Variants in TRIM37 observed in about 807,000 individuals in gnomAD.
TRIM37 encodes the protein tripartite motif containing 37.
TRIM37 carries 80 observed loss-of-function variants against 129.8 expected under a neutral mutation model. The observed-to-expected ratio is 0.62, with a 90% CI of 0.51 to 0.74. TRIM37 has a LOEUF of 0.74. Ranked by LOEUF, TRIM37 falls within the 30% of genes least tolerant of loss-of-function variation. TRIM37 has a pLI of 0.00. For synonymous variants in TRIM37, 389 were observed against 387.1 expected, an observed-to-expected ratio of 1.00 and a Z score of -0.06; for missense variants, 1,054 against 1,176.5, an observed-to-expected ratio of 0.90 and a Z score of 1.52.
intron 4 of TRIM37, among the ~76,000 whole-genome samples, chr17:59,085,709 G>C (rs1222165811): frequency 1.3e-5 from 2 of 152,038 alleles, no homozygotes; most frequent in Admixed American, 6.6e-5. Flanking sequence ...ATAACCAAAA[G>C]AACTGAAAGC....
At chr17:59,087,423 A>T (rs1203448507) in intron 4 of TRIM37, among the ~76,000 whole-genome samples, 3 of 148,392 alleles carry the variant, frequency 2.0e-5, no homozygotes, top group Non-Finnish European at 3.0e-5. Context: ...CTGATTATGC[A>T]TTAATGTGTT....
intron 17 of TRIM37, among the ~76,000 whole-genome samples, chr17:59,034,973 T>TA (rs1470454743): frequency 3.3e-5 from 5 of 152,296 alleles, no homozygotes; most frequent in Non-Finnish European, 7.4e-5. Context: ...AGTATGCTCT[T>TA]ATGCTCTTCT....
chr17:59,039,111 T>C (rs553592068), intron 17 of TRIM37, among the ~76,000 whole-genome samples: 44 of 152,294 alleles, frequency 2.9e-4, no homozygotes, highest in African/African-American at 9.6e-4. Flanking sequence ...ATTTAAATTG[T>C]TCAGTCCCCA....
In TRIM37 at chr17:59,075,827, T is replaced by C. The variant is rs115518032; in HGVS notation, c.617-113A>G. 3,345 of 805,292 alleles carry C rather than the reference T, an allele frequency of 4.2e-3. 72 individuals carry two copies. The African/African-American group carries it at 0.051, about 12-fold the overall frequency. The allele number at this position is 805,292 out of a possible 1,614,324, so 49.9% of individuals were successfully genotyped here. Reference sequence around the variant, plus strand: ...GAAATACACTTCAAGTAAGCAAAAATTCTTCATTACAGCTACCCTAAAAAT... The same window carrying C: ...GAAATACACTTCAAGTAAGCAAAAACTCTTCATTACAGCTACCCTAAAAAT... On this transcript the variant is annotated intron_variant, in intron 7 of 23. Transcript: ENST00000262294.
intron 15 of TRIM37, among the ~76,000 whole-genome samples, chr17:59,048,725 T>C (rs2146114383): frequency 6.6e-6 from 1 of 152,246 alleles, no homozygotes; most frequent in African/African-American, 2.4e-5. Flanking sequence ...GCCTCCCAAG[T>C]AGCTGGGATT....
downstream of TRIM37, among the ~76,000 whole-genome samples, chr17:58,997,939 T>A (rs866836013): frequency 7.2e-5 from 11 of 152,312 alleles, no homozygotes; most frequent in African/African-American, 1.9e-4. Context: ...GTATATAAGG[T>A]GGCTTGGAAA....
At chr17:59,076,786 A>C (rs1298105038) in intron 7 of TRIM37, among the ~76,000 whole-genome samples, 2 of 151,920 alleles carry the variant, frequency 1.3e-5, no homozygotes, top group Non-Finnish European at 2.9e-5. Flanking sequence ...ACTTTTATTT[A>C]TTTTATTTAT....
chr17:58,999,303 G>A lies in TRIM37; in HGVS notation c.*74C>T, dbSNP rs2144400345. On this transcript the variant is annotated 3_prime_UTR_variant, in exon 24 of 24. Coordinates refer to ENST00000262294, the MANE Select transcript of TRIM37 (RefSeq NM_015294.6). Reference sequence around the variant, plus strand: ...GACCAAATCTGATTATCTGACTGATGACAAATTTGAGCACCAACTACAGCA... The same window carrying A: ...GACCAAATCTGATTATCTGACTGATAACAAATTTGAGCACCAACTACAGCA... 1 of 1,610,774 alleles carries A rather than the reference G, an allele frequency of 6.2e-7. No individual in the cohort carries two copies. Among genetic ancestry groups the A allele is most frequent in the East Asian group, 2.2e-5 (1 of 44,686 alleles).
chr17:59,084,537 C>T (rs1477053370), intron 4 of TRIM37, among the ~76,000 whole-genome samples: 2 of 152,072 alleles, frequency 1.3e-5, no homozygotes, highest in Non-Finnish European at 2.9e-5. Context: ...AATACTAGAC[C>T]CTCATGGAAA....
intron 24 of TRIM37, among the ~76,000 whole-genome samples, chr17:58,985,571 A>C (rs551287920): frequency 6.6e-6 from 1 of 152,336 alleles, no homozygotes; most frequent in East Asian, 1.9e-4. Flanking sequence ...AAGTAAGGAA[A>C]TCATCAGATG....
chr17:59,055,956 T>C (rs2040829776), intron 13 of TRIM37, among the ~76,000 whole-genome samples: 1 of 152,170 alleles, frequency 6.6e-6, no homozygotes, highest in East Asian at 1.9e-4. Flanking sequence ...AGAAAATTGC[T>C]GGTTTTCGTC....
intron 12 of TRIM37, among the ~76,000 whole-genome samples, 189 bp downstream of exon 12, chr17:59,060,843 A>T (rs2041421729): frequency 6.6e-6 from 1 of 152,236 alleles, no homozygotes; most frequent in Admixed American, 6.5e-5. Context: ...AAAAACGCAA[A>T]GCAATACAAG....
chr17:59,081,964 A>AAATAATAATAATAAT (rs1371563147), intron 5 of TRIM37, among the ~76,000 whole-genome samples: 7 of 87,184 alleles, frequency 8.0e-5, no homozygotes, highest in African/African-American at 3.5e-4. Flanking sequence ...AAAAAAAAAA[A>AAATAATAATAATAAT]AATAATAATA....
Position 59,028,426 on chromosome 17 carries a change from T to C in TRIM37, c.2246A>G (p.Tyr749Cys), listed in dbSNP as rs1328955370. 6.2e-7 allele frequency: 1 copy of C among 1,612,646 alleles called. No homozygotes were observed. The highest frequency in any genetic ancestry group is 8.5e-7 in the Non-Finnish European group (1 of 1,179,996). The change falls in exon 19 of 24, where the codon TAC becomes TGC. Residue 749 changes from tyrosine to cysteine, a missense_variant. By Grantham distance (194) the Tyr-to-Cys change is radical. This residue lies in a region of TRIM37 where 287 missense variants were observed against 274.3 expected (regional missense o/e 1.05). Transcript: ENST00000262294. ...AACATATTACTTACAGTTTCGTATG[T>C]AACAATTGGCAACTGATGACTTTGC... ...LLAKSSVANC[Y>C]IRNSTNKKSN... is the part of the protein sequence containing the mutation.
At chr17:58,983,059 T>C (rs2031460886) in intron 24 of TRIM37, 8 of 790,728 alleles carry the variant, frequency 1.0e-5, no homozygotes, top group South Asian at 7.8e-5. Flanking sequence ...ATAAAGAGGG[T>C]AAAGGGAAAA....
chr17:59,043,541 T>C (rs1352365254), intron 16 of TRIM37, among the ~76,000 whole-genome samples: 2 of 152,160 alleles, frequency 1.3e-5, no homozygotes, highest in Non-Finnish European at 2.9e-5. Flanking sequence ...GCTATATTCC[T>C]GGGAGTGGCA....
At chr17:58,981,881 G>T (rs1167667873), downstream of TRIM37, 1 of 152,486 alleles carries the variant, frequency 6.6e-6, no homozygotes, top group Non-Finnish European at 1.5e-5. Context: ...ATGATGTCAG[G>T]TACAAATACA....
the TRIM37 span, among the ~76,000 whole-genome samples, chr17:58,974,157 C>T: frequency 6.6e-6 from 1 of 151,964 alleles, no homozygotes; most frequent in African/African-American, 2.4e-5. Context: ...CATAGTGTTT[C>T]TCATTTCATT....
At chr17:58,971,439 T>C in the TRIM37 span, among the ~76,000 whole-genome samples, 7 of 152,194 alleles carry the variant, frequency 4.6e-5, no homozygotes, top group African/African-American at 1.7e-4. Flanking sequence ...GTCATTTTCG[T>C]ATAGTAGGAC....
Sources: gnomAD v4.1 joint callset for allele counts (sites outside exome capture counted in the v4.1 genomes callset) on GRCh38, gnomAD v4.1.1 for gene constraint, gnomAD v4.1.1 regional missense constraint, MANE v1.5 for transcripts, NCBI Gene and HGNC (gene_info 2026-07-23, HGNC 2026-07-21) for gene names.